The following MAP3K20 variants were observed in gnomAD, a reference collection of about 807,000 sequenced individuals.
The protein encoded by MAP3K20 is mitogen-activated protein kinase kinase kinase 20, also known as HCCS-4.
A neutral mutation model predicts 85.7 loss-of-function variants in MAP3K20; 40 were observed. The ratio of observed to expected loss-of-function variants is 0.47; its 90% CI spans 0.36 to 0.61. MAP3K20 has a LOEUF of 0.61. Ranked by LOEUF, MAP3K20 falls within the 20% of genes least tolerant of loss-of-function variation. The pLI is 0.00. For missense variants in MAP3K20, 817 were observed against 961.7 expected, an observed-to-expected ratio of 0.85 and a Z score of 1.99; for synonymous variants, 325 against 327.7, an observed-to-expected ratio of 0.99 and a Z score of 0.09.
chr2:173,116,878 G>T (rs77910691), intron 2 of MAP3K20, among the ~76,000 whole-genome samples: 3,057 of 152,270 alleles, frequency 0.02, 54 homozygotes, highest in Admixed American at 0.041. Context: ...TAAATATTGT[G>T]AATTCATTGT....
chr2:173,237,317 G>A (rs1373203391), intron 14 of MAP3K20, among the ~76,000 whole-genome samples: 1 of 151,934 alleles, frequency 6.6e-6, no homozygotes, highest in Non-Finnish European at 1.5e-5. Flanking sequence ...GTGAGCCACC[G>A]CACGCGGCCC....
At chr2:173,231,687 G>A (rs1009860937) in intron 12 of MAP3K20, among the ~76,000 whole-genome samples, 1 of 152,172 alleles carries the variant, frequency 6.6e-6, no homozygotes, top group African/African-American at 2.4e-5. Flanking sequence ...GTGATATACA[G>A]GGACTAAGGG....
intron 16 of MAP3K20, among the ~76,000 whole-genome samples, chr2:173,245,314 T>C (rs538265367): frequency 6.6e-6 from 1 of 152,172 alleles, no homozygotes; most frequent in South Asian, 2.1e-4. Flanking sequence ...CAAAGCGAGG[T>C]TGATCTGCAG....
chr2:173,217,204 G>T lies in MAP3K20; in HGVS notation c.941G>T (p.Arg314Leu). The T allele has an allele frequency of 3.1e-6, 5 of 1,604,154 alleles. No individual in the cohort carries two copies. The highest frequency in any genetic ancestry group is 4.3e-6 in the Non-Finnish European group (5 of 1,174,934). The change falls in exon 11 of 20, where the codon CGT (arginine) becomes CTT (leucine). Residue 314 changes from arginine to leucine, a missense_variant. This residue lies in a region of MAP3K20 where 158 missense variants were observed against 162.0 expected (regional missense o/e 0.98). Transcript: ENST00000375213. ...KEQELKERER[R>L]LKMWEQKLTE... is the part of the protein sequence containing the mutation. ...CAGGAGCTTAAAGAACGAGAAAGAC[G>T]TTTAAAGATGTGGGAGCAAAAGCTG...
chr2:173,144,291 A>G (rs926572956), intron 2 of MAP3K20, among the ~76,000 whole-genome samples: 10 of 151,780 alleles, frequency 6.6e-5, no homozygotes, highest in Non-Finnish European at 8.8e-5. Flanking sequence ...GTGAAACCCC[A>G]TCTCTACTAA....
intron 2 of MAP3K20, among the ~76,000 whole-genome samples, chr2:173,103,779 G>A (rs1687702873): frequency 6.6e-6 from 1 of 152,054 alleles, no homozygotes; most frequent in African/African-American, 2.4e-5. Context: ...CTCTACATGT[G>A]AATAATACCT....
chr2:173,153,188 A>G (rs1055163267), intron 2 of MAP3K20, among the ~76,000 whole-genome samples: 3 of 152,162 alleles, frequency 2.0e-5, no homozygotes, highest in Non-Finnish European at 4.4e-5. Context: ...CTACCCTTCA[A>G]CAGGAGGCCC....
chr2:173,109,122 A>G (rs949797207), intron 2 of MAP3K20, among the ~76,000 whole-genome samples: 1 of 152,194 alleles, frequency 6.6e-6, no homozygotes, highest in Non-Finnish European at 1.5e-5. Flanking sequence ...ATTTGCTATC[A>G]TGAAGCTCAG....
intron 9 of MAP3K20, chr2:173,207,579 G>C (rs1002123584): frequency 6.6e-6 from 1 of 152,220 alleles, no homozygotes; most frequent in Non-Finnish European, 1.5e-5. Flanking sequence ...AACAGTTTAT[G>C]AACAGAGCCC....
intron 12 of MAP3K20, among the ~76,000 whole-genome samples, chr2:173,230,343 C>A (rs1009989259): frequency 6.6e-6 from 1 of 152,110 alleles, no homozygotes; most frequent in Non-Finnish European, 1.5e-5. Flanking sequence ...AATCTTTTTA[C>A]AAGAACAGGG....
At chr2:173,187,726 T>C in intron 5 of MAP3K20, 103 bp downstream of exon 5, 5 of 961,802 alleles carry the variant, frequency 5.2e-6, no homozygotes, top group Admixed American at 5.2e-5. Flanking sequence ...TAACCTACTA[T>C]TGGACTCACT....
intron 11 of MAP3K20, chr2:173,223,425 C>T (rs928265096): frequency 4.1e-6 from 4 of 978,988 alleles, no homozygotes; most frequent in African/African-American, 3.5e-5. Context: ...ACCAGGCCCA[C>T]GGAAAGTGGC....
Position 173,165,607 on chromosome 2 carries a change from G to A in MAP3K20, c.160-4198G>A, listed in dbSNP as rs183040242. ...TTAGAATACCATTTTTTAAACTTTT[G>A]TATTGTGGTAAAATATGCATAGCAT... On this transcript the variant is annotated intron_variant, in intron 2 of 19. Transcript: ENST00000375213. Among the ~76,000 whole-genome samples the A allele has an allele frequency of 1.6e-3, 245 of 152,186 alleles. 2 individuals are homozygous for A. The highest frequency in any genetic ancestry group is 6.8e-3 in the Middle Eastern group (2 of 294).
chr2:173,095,393 T>C (rs1212300264), intron 2 of MAP3K20, among the ~76,000 whole-genome samples: 1 of 143,504 alleles, frequency 7.0e-6, no homozygotes, highest in East Asian at 2.0e-4. Flanking sequence ...GGTACTAGGA[T>C]TGTTTACTTT....
In MAP3K20 at chr2:173,266,266, A is replaced by C. The variant is rs200757391; in HGVS notation, c.1919A>C (p.Gln640Pro). 1.1e-5 allele frequency: 17 copies of C among 1,613,998 alleles called. No individual in the cohort carries two copies. The highest frequency in any genetic ancestry group is 1.4e-5 in the Non-Finnish European group (17 of 1,180,032). ...CAGTCCAGAAGCTCGTCTCCTACTC[A>C]GTATGGACTGACCAAAAACTTCTCT... ...VNQSRSSSPT[Q>P]YGLTKNFSSL... The change falls in exon 20 of 20, where the codon CAG (glutamine) becomes CCG (proline). Residue 640 changes from glutamine to proline, a missense_variant. By Grantham distance (76) the Gln-to-Pro change is moderately conservative. Around this residue, in one of 4 missense-constraint regions of MAP3K20, gnomAD observed 454 missense variants for 476.9 expected, o/e 0.95. Transcript: ENST00000375213.
chr2:173,222,127 T>G, intron 11 of MAP3K20: 1 of 894,230 alleles, frequency 1.1e-6, no homozygotes, highest in Non-Finnish European at 1.3e-6. Flanking sequence ...GCTTGAGACC[T>G]AGCAATCAGT....
chr2:173,261,131 A>T lies in MAP3K20; in HGVS notation c.1545A>T (p.Thr515=), dbSNP rs774700240. 6.2e-7 allele frequency: 1 copy of T among 1,613,600 alleles called. No individual in the cohort carries two copies. The highest frequency in any genetic ancestry group is 8.5e-7 in the Non-Finnish European group (1 of 1,179,612). ...AKSQTVECTV[T]YESDVRTPKS... The stretch of plus-strand genomic sequence containing the variant: ...GTCAGACTGTGGAGTGCACTGTCAC[A>T]TATGAGGTAAGCTCTGGGGGCAAGA... Residue 515 remains threonine, a synonymous_variant, in exon 18 of 20, where the codon ACA becomes ACT. Coordinates refer to ENST00000375213, the MANE Select transcript of MAP3K20 (RefSeq NM_016653.3).
chr2:173,144,928 A>C (rs1689094728), intron 2 of MAP3K20, among the ~76,000 whole-genome samples: 1 of 152,240 alleles, frequency 6.6e-6, no homozygotes, highest in Non-Finnish European at 1.5e-5. Flanking sequence ...ATTTAGACCC[A>C]GACATATTAT....
chr2:173,107,935 A>G (rs1362599686), intron 2 of MAP3K20, among the ~76,000 whole-genome samples: 1 of 152,122 alleles, frequency 6.6e-6, no homozygotes, highest in Non-Finnish European at 1.5e-5. Context: ...GCTTGTTAGC[A>G]CTATTTCAGC....
Sources: gnomAD v4.1 joint callset for allele counts (sites outside exome capture counted in the v4.1 genomes callset) on GRCh38, gnomAD v4.1.1 for gene constraint, gnomAD v4.1.1 regional missense constraint, MANE v1.5 for transcripts, NCBI Gene and HGNC (gene_info 2026-07-23, HGNC 2026-07-21) for gene names.